Variants in HNRNPA3 observed in about 807,000 individuals in gnomAD.
HNRNPA3 encodes epididymis secretory sperm binding protein.
Under a neutral mutation model 45.8 loss-of-function variants are expected in HNRNPA3, and 3 were observed. The observed-to-expected ratio is 0.07, with a 90% CI of 0.03 to 0.17. The LOEUF is 0.17. Among genes scored for constraint, HNRNPA3 ranks in the 10% least tolerant of loss-of-function variants. The pLI, the probability that HNRNPA3 is intolerant of heterozygous loss-of-function variation, is 1.00. For missense variants in HNRNPA3, 183 were observed against 480.3 expected, an observed-to-expected ratio of 0.38 and a Z score of 5.79; for synonymous variants, 170 against 155.6, an observed-to-expected ratio of 1.09 and a Z score of -0.69.
chr2:177,218,773 T>C (rs1331935142), intron 8 of HNRNPA3, among the ~76,000 whole-genome samples: 1 of 152,246 alleles, frequency 6.6e-6, no homozygotes, highest in Non-Finnish European at 1.5e-5. Context: ...AATGTTATAC[T>C]GCTTCAGAAT....
chr2:177,218,052 CTTTTT>C (rs58476089), intron 8 of HNRNPA3, among the ~76,000 whole-genome samples: 212 of 102,124 alleles, frequency 2.1e-3, no homozygotes, highest in African/African-American at 7.5e-3. Flanking sequence ...TCTCTTTTTT[CTTTTT>C]TTTTTTTTTT....
exon 8 of HNRNPA3, chr2:177,217,738 G>A (rs893442771): frequency 6.2e-7 from 1 of 1,612,938 alleles, no homozygotes; most frequent in African/African-American, 1.3e-5. Flanking sequence ...GGTTATAGTA[G>A]TAGAGGGGGC....
chr2:177,216,362 C>A, intron 4 of HNRNPA3, 141 bp from the exon 5 acceptor site: 2 of 730,052 alleles, frequency 2.7e-6, no homozygotes, highest in Non-Finnish European at 4.5e-6. Flanking sequence ...TAAACATAAA[C>A]ATCTCAGAAT....
downstream of HNRNPA3, chr2:177,220,628 A>C (rs1234000124): frequency 6.6e-6 from 1 of 152,662 alleles, no homozygotes; most frequent in African/African-American, 2.4e-5. Flanking sequence ...ACCTAACTGC[A>C]GCAGAAATGT....
At position 177,216,365 on chromosome 2, in the gene HNRNPA3, C is replaced by T. The variant is rs939058880; in HGVS notation, c.554-138C>T. The T allele has an allele frequency of 4.1e-6, 3 of 733,506 alleles. No homozygotes were observed. The African/African-American group carries it at 5.3e-5, about 13-fold the overall frequency. The allele number at this position is 733,506 out of a possible 1,614,324, so 45.4% of individuals were successfully genotyped here. On this transcript the variant is annotated intron_variant, in intron 4 of 10. Transcript: ENST00000392524. The stretch of plus-strand genomic sequence containing the variant: ...CAGATCAAGAAATAAACATAAACAT[C>T]TCAGAATGCTCCTTCATTACCAGAG...
At chr2:177,213,202 T>G (rs977792170) in intron 1 of HNRNPA3, among the ~76,000 whole-genome samples, 61 of 95,732 alleles carry the variant, frequency 6.4e-4, no homozygotes, top group East Asian at 2.3e-3. Context: ...GAGGAGGTGG[T>G]GGGGGAGGGG....
chr2:177,218,631 G>T (rs1689063006), intron 8 of HNRNPA3, among the ~76,000 whole-genome samples: 2 of 152,202 alleles, frequency 1.3e-5, no homozygotes, highest in Non-Finnish European at 2.9e-5. Flanking sequence ...GCAAGCTAGT[G>T]TATGTAGGTC....
chr2:177,219,361 A>G, intron 10 of HNRNPA3, 47 bp downstream of exon 10: 1 of 1,349,942 alleles, frequency 7.4e-7, no homozygotes, highest in Non-Finnish European at 1.0e-6. Context: ...AATATGTGGA[A>G]CTGTTCACTG....
At chr2:177,217,482 T>G (rs941584985) in intron 7 of HNRNPA3, among the ~76,000 whole-genome samples, 3 of 152,076 alleles carry the variant, frequency 2.0e-5, no homozygotes, top group African/African-American at 2.4e-5. Flanking sequence ...AAAAATAAAA[T>G]AGGGGAACAT....
At chr2:177,215,427 C>T in intron 1 of HNRNPA3, 112 bp from the exon 2 acceptor site, 1 of 1,109,656 alleles carries the variant, frequency 9.0e-7, no homozygotes, top group Non-Finnish European at 1.3e-6. Flanking sequence ...AAAGTGTTAA[C>T]TGTCACAGGA....
chr2:177,219,228 A>G lies in HNRNPA3; in HGVS notation c.1085-19A>G, dbSNP rs1689086952. On this transcript the variant is annotated intron_variant, in intron 9 of 10. Coordinates refer to ENST00000392524, the Ensembl canonical transcript of HNRNPA3. Reference sequence around the variant, plus strand: ...AAAAAATGTGCATACTTCTTTTAAAATACTATGTATATTTTCAGGTGGTTA... The same window carrying G: ...AAAAAATGTGCATACTTCTTTTAAAGTACTATGTATATTTTCAGGTGGTTA... 2 of 1,612,350 alleles carry G rather than the reference A, an allele frequency of 1.2e-6. No homozygotes were observed. Among genetic ancestry groups the G allele is most frequent in the Non-Finnish European group, 1.7e-6 (2 of 1,179,400 alleles).
intron 4 of HNRNPA3, 29 bp from the exon 5 acceptor site, chr2:177,216,474 T>C: frequency 5.3e-6 from 8 of 1,522,054 alleles, no homozygotes; most frequent in Non-Finnish European, 7.3e-6. Flanking sequence ...AAATAACTTT[T>C]TGTTTTGTTT....
At chr2:177,218,416 G>A (rs896022252) in intron 8 of HNRNPA3, among the ~76,000 whole-genome samples, 7 of 152,110 alleles carry the variant, frequency 4.6e-5, no homozygotes, top group African/African-American at 1.4e-4. Flanking sequence ...CCAGTATTCA[G>A]TACATGTTTT....
intron 7 of HNRNPA3, 85 bp from the exon 8 acceptor site, chr2:177,217,620 C>A (rs927789153): frequency 5.9e-6 from 9 of 1,533,950 alleles, no homozygotes; most frequent in Non-Finnish European, 8.1e-6. Context: ...GAGCAAGACC[C>A]AGTCTCTTAC....
At chr2:177,213,546 C>T (rs6718393) in intron 1 of HNRNPA3, among the ~76,000 whole-genome samples, 1 of 152,154 alleles carries the variant, frequency 6.6e-6, no homozygotes, top group Non-Finnish European at 1.5e-5. Flanking sequence ...TTGTTAAAAA[C>T]TTTGCTGCTT....
chr2:177,218,057 T>TC (rs1413907399), intron 8 of HNRNPA3, among the ~76,000 whole-genome samples: 4 of 14,216 alleles, frequency 2.8e-4, no homozygotes, highest in Non-Finnish European at 1.3e-3. Context: ...TTTTTCTTTT[T>TC]TTTTTTTTTT....
chr2:177,214,672 G>A (rs1011821425), intron 1 of HNRNPA3, among the ~76,000 whole-genome samples: 2 of 152,198 alleles, frequency 1.3e-5, no homozygotes, highest in Non-Finnish European at 1.5e-5. Flanking sequence ...GCGGGCGCCC[G>A]TAGTCCCAGC....
chr2:177,223,230 C>T (rs780796977), downstream of HNRNPA3: 1 of 152,010 alleles, frequency 6.6e-6, no homozygotes, highest in African/African-American at 2.4e-5. Flanking sequence ...AAGGTAACAG[C>T]CTTTGATGAA....
rs767769505 is a variant in HNRNPA3, at chr2:177,216,852, T to C, written c.740-8T>C. On this transcript the variant is annotated splice_polypyrimidine_tract_variant and splice_region_variant and intron_variant, in intron 6 of 10. Transcript: ENST00000392524. ...TATTATTTTAATTCATTTCTTGTTTTTCCTCAGGAGGCTATGGTGGTGGAG... is the reference window on the plus strand; with the variant it reads ...TATTATTTTAATTCATTTCTTGTTTCTCCTCAGGAGGCTATGGTGGTGGAG... The C allele has an allele frequency of 1.2e-6, 2 of 1,612,540 alleles. No homozygotes were observed. The highest frequency in any genetic ancestry group is 2.2e-5 in the South Asian group (2 of 90,592).
Sources: allele counts gnomAD v4.1 joint callset (sites outside exome capture counted in the v4.1 genomes callset), GRCh38; gene constraint gnomAD v4.1.1; transcripts MANE v1.5; gene names NCBI Gene and HGNC (gene_info 2026-07-23, HGNC 2026-07-21).